Variants in MNAT1 observed in about 807,000 individuals in gnomAD.
MNAT1 encodes MNAT1 component of CDK activating kinase.
MNAT1 carries 43 observed loss-of-function variants against 42.0 expected under a neutral mutation model. The ratio of observed to expected loss-of-function variants is 1.02; its 90% CI spans 0.80 to 1.32. The LOEUF (loss-of-function observed/expected upper bound fraction) is 1.32, where lower values mean the gene tolerates loss of function less well. Among genes scored for constraint, MNAT1 ranks in the 40% most tolerant of loss-of-function variants. MNAT1 has a pLI of 0.00. For synonymous variants in MNAT1, 118 were observed against 120.0 expected (o/e 0.98, Z 0.11); for missense variants, 306 against 350.4 (o/e 0.87, Z 1.01).
rs79594171 is a variant in MNAT1, at chr14:60,851,334, A to T, written c.688-28380A>T. Reference sequence around the variant, plus strand: ...AATGCATTTTTCTCGGCAAGGATACACAGGCATATCTGGTTTTCTTTTGCT... The same window carrying T: ...AATGCATTTTTCTCGGCAAGGATACTCAGGCATATCTGGTTTTCTTTTGCT... On this transcript the variant is annotated intron_variant, in intron 6 of 7. Coordinates refer to ENST00000261245, the MANE Select transcript of MNAT1 (RefSeq NM_002431.4). Among the ~76,000 whole-genome samples the T allele has an allele frequency of 1.9e-3, 291 of 152,332 alleles. 1 individual carries two copies. The highest frequency in any genetic ancestry group is 6.7e-3 in the African/African-American group (277 of 41,572).
intron 6 of MNAT1, 39 bp downstream of exon 6, chr14:60,818,886 T>A (rs775737721): frequency 1.9e-5 from 31 of 1,600,204 alleles, no homozygotes; most frequent in Middle Eastern, 1.7e-4. Context: ...AAGATATTTT[T>A]TCAAGGATTA....
chr14:60,830,704 A>C (rs975308948), intron 6 of MNAT1, among the ~76,000 whole-genome samples: 15 of 152,052 alleles, frequency 9.9e-5, no homozygotes, highest in African/African-American at 3.1e-4. Flanking sequence ...TATGTAGGAA[A>C]TAATATTAGG....
chr14:60,757,079 T>A (rs1433246763), intron 1 of MNAT1, among the ~76,000 whole-genome samples: 1 of 152,140 alleles, frequency 6.6e-6, no homozygotes, highest in Non-Finnish European at 1.5e-5. Flanking sequence ...ACTTGTTAGT[T>A]TGAAGAAATC....
At chr14:60,878,144 C>A (rs1418927257) in intron 6 of MNAT1, among the ~76,000 whole-genome samples, 1 of 151,892 alleles carries the variant, frequency 6.6e-6, no homozygotes, top group African/African-American at 2.4e-5. Context: ...ATAGACTATG[C>A]TTGTACACAA....
intron 7 of MNAT1, among the ~76,000 whole-genome samples, chr14:60,914,556 T>TA (rs11418104): frequency 0.77 from 114,939 of 150,166 alleles, 44,460 homozygotes; most frequent in African/African-American, 0.89. Context: ...ACAGATATGG[T>TA]AAAAAAAAAA....
chr14:60,874,602 TCTCAATA>T (rs1341403539), intron 6 of MNAT1, among the ~76,000 whole-genome samples: 43 of 152,262 alleles, frequency 2.8e-4, no homozygotes, highest in Admixed American at 2.7e-3. Flanking sequence ...TGATTCTTCC[TCTCAATA>T]CTCTATAGCA....
Position 60,931,736 on chromosome 14 carries a change from CAT to C in MNAT1, c.810-36482_810-36481del, listed in dbSNP as rs796073819. Among the ~76,000 whole-genome samples, 785 of 151,398 alleles carry C rather than the reference CAT, an allele frequency of 5.2e-3. 14 individuals are homozygous for C. The highest frequency in any genetic ancestry group is 0.018 in the African/African-American group (732 of 41,310). Reference sequence around the variant, plus strand: ...GAGAATAGTACTACTTACTTTAATGCATATATATATATGTGTGTATATATATG... The same window carrying C: ...GAGAATAGTACTACTTACTTTAATGCATATATATATGTGTGTATATATATG... On this transcript the variant is annotated intron_variant, in intron 7 of 7. Transcript: ENST00000261245.
chr14:60,866,351 A>C (rs1566801821), intron 6 of MNAT1, among the ~76,000 whole-genome samples: 1 of 142,502 alleles, frequency 7.0e-6, no homozygotes, highest in Non-Finnish European at 1.5e-5. Flanking sequence ...TTAGAACGGA[A>C]TCCTTGTGCA....
At chr14:60,862,877 T>C (rs2034128304) in intron 6 of MNAT1, among the ~76,000 whole-genome samples, 1 of 152,158 alleles carries the variant, frequency 6.6e-6, no homozygotes, top group African/African-American at 2.4e-5. Context: ...TTAAATTCTT[T>C]AGAGTGTTCA....
rs549609292 is a variant in MNAT1 at position 60,821,993 on chromosome 14, A to G, written c.687+3146A>G. 5.9e-5 allele frequency among the ~76,000 whole-genome samples: 9 copies of G among 152,190 alleles called. No homozygotes were observed. The South Asian group carries it at 1.2e-3, about 21-fold the overall frequency. On this transcript the variant is annotated intron_variant, in intron 6 of 7. Transcript: ENST00000261245. ...TTTTTATAGATATATCTAAATTTCC[A>G]TCACTCTATCATATTTTTACATTCC...
At chr14:60,767,724 C>A (rs907427395) in intron 1 of MNAT1, among the ~76,000 whole-genome samples, 1 of 152,034 alleles carries the variant, frequency 6.6e-6, no homozygotes, top group Non-Finnish European at 1.5e-5. Context: ...CCTCAGCCTC[C>A]TGAGTAGCTG....
intron 7 of MNAT1, among the ~76,000 whole-genome samples, chr14:60,929,858 T>C (rs1198486655): frequency 6.6e-6 from 1 of 152,176 alleles, no homozygotes; most frequent in East Asian, 1.9e-4. Flanking sequence ...ATTACTGTTT[T>C]ACATCTAGAA....
At chr14:60,905,618 G>A (rs969715507) in intron 7 of MNAT1, among the ~76,000 whole-genome samples, 34 of 152,186 alleles carry the variant, frequency 2.2e-4, no homozygotes, top group African/African-American at 8.0e-4. Context: ...CTCAGTTTGA[G>A]GTTGAAGGCC....
intron 1 of MNAT1, among the ~76,000 whole-genome samples, chr14:60,777,077 T>C (rs908970755): frequency 6.6e-6 from 1 of 152,184 alleles, no homozygotes; most frequent in Non-Finnish European, 1.5e-5. Context: ...ATGGAACTCC[T>C]GGGCTCAAGC....
intron 1 of MNAT1, among the ~76,000 whole-genome samples, chr14:60,757,834 T>A (rs1177324710): frequency 6.6e-6 from 1 of 152,228 alleles, no homozygotes; most frequent in African/African-American, 2.4e-5. Context: ...ACTTATTTTG[T>A]AATTTTTATT....
chr14:60,810,931 A>G (rs1398603374), intron 4 of MNAT1, among the ~76,000 whole-genome samples: 2 of 152,236 alleles, frequency 1.3e-5, no homozygotes, highest in African/African-American at 4.8e-5. Flanking sequence ...TCTTTCTGAA[A>G]GTTCCATCCA....
chr14:60,747,923 A>G (rs535211103), intron 1 of MNAT1, among the ~76,000 whole-genome samples: 1 of 152,336 alleles, frequency 6.6e-6, no homozygotes, highest in East Asian at 1.9e-4. Context: ...AAGGCCAGGC[A>G]TGGTGGCTCA....
chr14:60,794,510 A>T (rs956688725), intron 1 of MNAT1, among the ~76,000 whole-genome samples: 2 of 151,380 alleles, frequency 1.3e-5, no homozygotes, highest in African/African-American at 4.9e-5. Context: ...ACAAAAAAAT[A>T]AAAAAATTAG....
rs191564290 is a variant in MNAT1 at position 60,740,327 on chromosome 14, T to A, written c.89+5376T>A. Among the ~76,000 whole-genome samples, 62 of 152,322 alleles carry A rather than the reference T, an allele frequency of 4.1e-4. No individual in the cohort carries two copies. Among genetic ancestry groups the A allele is most frequent in the African/African-American group, 1.5e-3 (61 of 41,582 alleles). On this transcript the variant is annotated intron_variant, in intron 1 of 7. Transcript: ENST00000261245. This position sits in a 1 kb window ranked among gnomAD's most constrained non-coding sequence, Gnocchi z 4.1. Reference sequence around the variant, plus strand: ...AATGTTTTGTGATAGTTACTTAACATCTTTCTCTTTCTTTTTTTCCCTTTT... The same window carrying A: ...AATGTTTTGTGATAGTTACTTAACAACTTTCTCTTTCTTTTTTTCCCTTTT...
Sources: gnomAD v4.1 joint callset for allele counts (sites outside exome capture counted in the v4.1 genomes callset) on GRCh38, gnomAD v4.1.1 for gene constraint, Gnocchi (gnomAD v3.1) non-coding constraint, MANE v1.5 for transcripts, NCBI Gene and HGNC (gene_info 2026-07-23, HGNC 2026-07-21) for gene names.